ANK2: variants seen among roughly 807,000 people sequenced by gnomAD.
The protein encoded by ANK2 is ankyrin-2.
Under a neutral mutation model 360.5 loss-of-function variants are expected in ANK2, and 83 were observed. The observed-to-expected ratio is 0.23, with a 90% confidence interval of 0.19 to 0.28. The LOEUF is 0.28. ANK2 is among the 10% of genes least tolerant of loss of function. The pLI is 1.00. For missense variants in ANK2, 4,201 were observed against 4,795.7 expected (o/e 0.88, Z 3.66); for synonymous variants, 1,740 against 1,759.5 (o/e 0.99, Z 0.28).
At chr4:113,212,746 G>A (rs1262184280) in intron 4 of ANK2, among the ~76,000 whole-genome samples, 2 of 152,316 alleles carry the variant, frequency 1.3e-5, no homozygotes, top group African/African-American at 4.8e-5. Context: ...ATTAATCCAT[G>A]TTCGGCATTT....
the ANK2 span, among the ~76,000 whole-genome samples, chr4:112,758,376 G>A: frequency 6.6e-6 from 1 of 151,998 alleles, no homozygotes; most frequent in South Asian, 2.1e-4. Flanking sequence ...GATGAGCATA[G>A]CTATTCTCTT....
At position 113,367,733 on chromosome 4, in the gene ANK2, G is replaced by A; in HGVS notation, c.11200G>A (p.Asp3734Asn). 1.2e-6 allele frequency: 2 copies of A among 1,613,360 alleles called. No homozygotes were observed. The highest frequency in any genetic ancestry group is 2.2e-5 in the South Asian group (2 of 91,042). ...GGATGGCGTCCCCAAAACTGAGGGGGACAGCTCAGCAACAGCACTCTTTCC... is the reference window on the plus strand; with the variant it reads ...GGATGGCGTCCCCAAAACTGAGGGGAACAGCTCAGCAACAGCACTCTTTCC... ...FQDGVPKTEG[D>N]SSATALFPQT... is the part of the protein sequence containing the mutation. The change falls in exon 42 of 46, where the codon GAC (aspartate) becomes AAC (asparagine). Residue 3734 changes from aspartate to asparagine, a missense_variant. Asp to Asn is a conservative substitution (Grantham distance 23). Around this residue, in one of 4 missense-constraint regions of ANK2, gnomAD observed 2,642 missense variants for 2,714.5 expected, o/e 0.97. Transcript: ENST00000357077.
At chr4:113,335,537 C>G (rs2153956048) in intron 29 of ANK2, among the ~76,000 whole-genome samples, 1 of 152,278 alleles carries the variant, frequency 6.6e-6, no homozygotes, top group Admixed American at 6.5e-5. Flanking sequence ...GCCCTCATGC[C>G]TCTCATTTCA....
At chr4:112,826,370 G>C in intron 1 of ANK2, 2 of 987,896 alleles carry the variant, frequency 2.0e-6, no homozygotes, top group South Asian at 3.0e-5. Flanking sequence ...TGGTCTCACT[G>C]CAACCTGAAA....
intron 4 of ANK2, among the ~76,000 whole-genome samples, chr4:113,212,307 C>A (rs1017874637): frequency 6.6e-6 from 1 of 151,832 alleles, no homozygotes; most frequent in African/African-American, 2.4e-5. Flanking sequence ...GTGTTTATTT[C>A]CTTTCTTAAT....
intron 2 of ANK2, among the ~76,000 whole-genome samples, chr4:112,940,977 A>C (rs560850022): frequency 6.6e-6 from 1 of 152,082 alleles, no homozygotes; most frequent in South Asian, 2.1e-4. Flanking sequence ...CAAGTTCCTC[A>C]TGAGGTTGTT....
At chr4:112,895,246 C>CA (rs568183621) in intron 1 of ANK2, among the ~76,000 whole-genome samples, 201 of 152,130 alleles carry the variant, frequency 1.3e-3, no homozygotes, top group African/African-American at 4.6e-3. Flanking sequence ...CAGATGGCAC[C>CA]AAAAAACCAG....
chr4:113,122,357 G>A (rs918420693), intron 1 of ANK2, among the ~76,000 whole-genome samples: 21 of 152,038 alleles, frequency 1.4e-4, no homozygotes, highest in African/African-American at 3.4e-4. Flanking sequence ...AACCATGTAT[G>A]CACAAAGATG....
chr4:112,986,003 A>G (rs370969584), intron 2 of ANK2, among the ~76,000 whole-genome samples: 2 of 145,150 alleles, frequency 1.4e-5, no homozygotes, highest in African/African-American at 2.6e-5. Context: ...AAAATTATAT[A>G]TAAATATAAA....
the ANK2 span, among the ~76,000 whole-genome samples, chr4:112,784,292 C>T: frequency 6.6e-6 from 1 of 151,616 alleles, no homozygotes; most frequent in Non-Finnish European, 1.5e-5. Flanking sequence ...TTAATCGATC[C>T]TCCCACCTCA....
intron 2 of ANK2, among the ~76,000 whole-genome samples, chr4:112,989,117 A>G (rs2045903250): frequency 6.6e-6 from 1 of 152,210 alleles, no homozygotes; most frequent in Non-Finnish European, 1.5e-5. Context: ...CTGAGAAGCA[A>G]TTCAGAGGTA....
Position 113,357,590 on chromosome 4 carries a change from A to G in ANK2, c.8972A>G (p.Gln2991Arg). 6.2e-7 allele frequency: 1 copy of G among 1,614,154 alleles called. No homozygotes were observed. Among genetic ancestry groups the G allele is most frequent in the Non-Finnish European group, 8.5e-7 (1 of 1,179,972 alleles). The change falls in exon 38 of 46, where the codon CAG (glutamine) becomes CGG (arginine). Residue 2991 changes from glutamine to arginine, a missense_variant. Gln to Arg is a conservative substitution (Grantham distance 43, BLOSUM62 1). Transcript: ENST00000357077. Reference protein sequence around the residue: ...VLSKESNFEGQDIKMESQQES... With the variant: ...VLSKESNFEGRDIKMESQQES... ...AGCAAAGAATCTAATTTTGAGGGCCAGGACATAAAAATGGAATCCCAACAG... is the reference window on the plus strand; with the variant it reads ...AGCAAAGAATCTAATTTTGAGGGCCGGGACATAAAAATGGAATCCCAACAG...
At chr4:112,975,996 AT>A (rs775839945) in intron 2 of ANK2, among the ~76,000 whole-genome samples, 1 of 151,540 alleles carries the variant, frequency 6.6e-6, no homozygotes, top group Non-Finnish European at 1.5e-5. Flanking sequence ...TTTAATTGGT[AT>A]TTTTTTCAAT....
At chr4:112,974,699 A>G (rs1302313441) in intron 2 of ANK2, among the ~76,000 whole-genome samples, 5 of 152,240 alleles carry the variant, frequency 3.3e-5, no homozygotes. Context: ...GGAAAAGGCA[A>G]TGAAGTTTAG....
intron 2 of ANK2, among the ~76,000 whole-genome samples, chr4:112,940,613 T>C (rs1422933621): frequency 6.6e-6 from 1 of 152,168 alleles, no homozygotes; most frequent in Admixed American, 6.5e-5. Flanking sequence ...AGAGTAGCCA[T>C]CAGTATCATG....
intron 18 of ANK2, 75 bp from the exon 19 acceptor site, chr4:113,287,530 T>G: frequency 1.7e-6 from 2 of 1,147,122 alleles, no homozygotes; most frequent in South Asian, 2.5e-5. Flanking sequence ...TTTTCAATAT[T>G]TTTTCATAAT....
chr4:113,336,621 C>T lies in ANK2; in HGVS notation c.3636C>T (p.Asn1212=). Residue 1212 remains asparagine (N), a synonymous_variant, in exon 31 of 46, where the codon AAC becomes AAT. Coordinates refer to ENST00000357077, the MANE Select transcript of ANK2 (RefSeq NM_001148.6). ...AGCTGGTTAAGAAGATCCTAGGCAA[C>T]AAAGCTACCTTCAGCCCTATAGTCA... ...HSELVKKILG[N]KATFSPIVTL... is the part of the protein sequence containing the mutation. 1 of 1,614,124 alleles carries T rather than the reference C, an allele frequency of 6.2e-7. No individual in the cohort carries two copies. Among genetic ancestry groups the T allele is most frequent in the Non-Finnish European group, 8.5e-7 (1 of 1,180,014 alleles).
chr4:112,985,552 GTTCT>G (rs2044545971), intron 2 of ANK2, among the ~76,000 whole-genome samples: 4 of 152,166 alleles, frequency 2.6e-5, no homozygotes, highest in Non-Finnish European at 5.9e-5. Context: ...TTGTCAAGTG[GTTCT>G]CATCTGAAGA....
rs191887629 is a variant in ANK2 at position 113,006,580 on chromosome 4, A to G, written c.21+102066A>G. ...CTTATAGACTGTTGATAAGAGTATAAATGGGCACAGGATTTCTACAGGGCA... is the reference window on the plus strand; with the variant it reads ...CTTATAGACTGTTGATAAGAGTATAGATGGGCACAGGATTTCTACAGGGCA... On this transcript the variant is annotated intron_variant, in intron 2 of 30. Transcript: ENST00000503271. Among the ~76,000 whole-genome samples, 5 of 152,326 alleles carry G rather than the reference A, an allele frequency of 3.3e-5. No individual in the cohort carries two copies. The East Asian group carries it at 9.6e-4, about 29-fold the overall frequency.
Sources: gnomAD v4.1 joint callset for allele counts (sites outside exome capture counted in the v4.1 genomes callset) on GRCh38, gnomAD v4.1.1 for gene constraint, gnomAD v4.1.1 regional missense constraint, MANE v1.5 for transcripts, NCBI Gene and HGNC (gene_info 2026-07-23, HGNC 2026-07-21) for gene names.